ZNF566: variants seen among roughly 807,000 people sequenced by gnomAD.
The protein encoded by ZNF566 is zinc finger protein 566.
A neutral mutation model predicts 32.8 loss-of-function variants in ZNF566; 27 were observed. The ratio of observed to expected loss-of-function variants is 0.82; its 90% CI spans 0.61 to 1.14. The LOEUF is 1.14. Ranked by LOEUF, ZNF566 falls within the 50% of genes most tolerant of loss-of-function variation. ZNF566 has a pLI of 0.00. For synonymous variants in ZNF566, 154 were observed against 159.5 expected (o/e 0.97, Z 0.26); for missense variants, 402 against 490.4 (o/e 0.82, Z 1.70).
rs536217179 is a variant in ZNF566, at chr19:36,454,504, G to A, written c.233-4503C>T. On this transcript the variant is annotated intron_variant, in intron 4 of 4. Transcript: ENST00000452939. ...GGAGTTCAAAACTGCAGTGAGTTAT[G>A]GTCATGCCACTATACTCTAGCCTGG... Among the ~76,000 whole-genome samples the A allele has an allele frequency of 3.9e-5, 6 of 152,168 alleles. No individual in the cohort carries two copies. In the South Asian group the frequency reaches 1.0e-3, roughly 26 times the overall value.
intron 1 of ZNF566, among the ~76,000 whole-genome samples, chr19:36,484,460 T>C (rs1320713113): frequency 2.0e-5 from 3 of 151,930 alleles, no homozygotes; most frequent in Non-Finnish European, 4.4e-5. Context: ...GTGTAAGAAA[T>C]GATAGAAGGA....
At chr19:36,466,708 T>C (rs1279943785) in intron 4 of ZNF566, among the ~76,000 whole-genome samples, 1 of 152,194 alleles carries the variant, frequency 6.6e-6, no homozygotes, top group Non-Finnish European at 1.5e-5. Context: ...TAGAAAAAGA[T>C]ACTTGTAGTT....
chr19:36,451,469 G>A (rs545666650), intron 4 of ZNF566, among the ~76,000 whole-genome samples: 2 of 152,276 alleles, frequency 1.3e-5, no homozygotes, highest in East Asian at 3.9e-4. Flanking sequence ...CTGACTGGCA[G>A]AAAAGACATT....
At chr19:36,469,269 T>C (rs572428067) in intron 4 of ZNF566, among the ~76,000 whole-genome samples, 1 of 151,920 alleles carries the variant, frequency 6.6e-6, no homozygotes, top group Non-Finnish European at 1.5e-5. Context: ...TGGGACGCGG[T>C]GGCTTACGCC....
At chr19:36,456,738 TAAATG>T (rs1316667736) in intron 4 of ZNF566, among the ~76,000 whole-genome samples, 1 of 151,906 alleles carries the variant, frequency 6.6e-6, no homozygotes, top group African/African-American at 2.4e-5. Context: ...TAATAAAAAA[TAAATG>T]AAGACAAAAA....
At chr19:36,481,752 C>A in intron 1 of ZNF566, among the ~76,000 whole-genome samples, 1 of 152,142 alleles carries the variant, frequency 6.6e-6, no homozygotes, top group East Asian at 1.9e-4. Context: ...TAGAAAAATA[C>A]ATATATACAA....
Position 36,476,610 on chromosome 19 carries a change from G to A in ZNF566, c.-53C>T. On this transcript the variant is annotated 5_prime_UTR_variant, in exon 2 of 5. Coordinates refer to ENST00000452939, the MANE Select transcript of ZNF566 (RefSeq NM_001145344.1). ...TCTCTTGGCTCTTCTTTTGGAGAAG[G>A]GTAGAGCTGGGAGAGGCAAAAGAAG... 2 of 1,611,478 alleles carry A rather than the reference G, an allele frequency of 1.2e-6. No individual in the cohort carries two copies. The highest frequency in any genetic ancestry group is 2.2e-5 in the East Asian group (1 of 44,782).
intron 1 of ZNF566, among the ~76,000 whole-genome samples, chr19:36,485,271 CAAAAAAA>C (rs748231707): frequency 6.1e-5 from 5 of 81,948 alleles, no homozygotes; most frequent in Non-Finnish European, 1.2e-4. Context: ...GCTATCTCTA[CAAAAAAA>C]AAAAAAAAAA....
Position 36,449,350 on chromosome 19 carries a change from C to T in ZNF566, c.884G>A (p.Gly295Asp), listed in dbSNP as rs1258672921. The change falls in exon 5 of 5, where the codon GGC becomes GAC. Residue 295 changes from glycine (G) to aspartate (D), a missense_variant. Physicochemically the swap from Gly to Asp is moderately conservative, Grantham distance 94 (BLOSUM62 -1). Around this residue, in one of 3 missense-constraint regions of ZNF566, gnomAD observed 135 missense variants for 210.0 expected, o/e 0.64. Transcript: ENST00000452939. ...CKECGKAFSS[G>D]SNFTQHQRIH... ...TCTCTGATGTTGAGTAAAGTTTGAG[C>T]CACTACTAAAGGCCTTCCCGCATTC... The T allele has an allele frequency of 3.1e-6, 5 of 1,614,076 alleles. No homozygotes were observed.
At chr19:36,455,947 G>A (rs1054576634) in intron 4 of ZNF566, among the ~76,000 whole-genome samples, 5 of 150,930 alleles carry the variant, frequency 3.3e-5, no homozygotes, top group African/African-American at 1.2e-4. Flanking sequence ...ACTGAGGCAG[G>A]AGAATGGCGT....
At chr19:36,467,434 C>CAAA (rs34170364) in intron 4 of ZNF566, among the ~76,000 whole-genome samples, 2 of 77,542 alleles carry the variant, frequency 2.6e-5, no homozygotes, top group African/African-American at 1.0e-4. Flanking sequence ...GGCTCTGTCT[C>CAAA]AAAAAAAAAA....
intron 4 of ZNF566, among the ~76,000 whole-genome samples, chr19:36,468,208 A>G (rs973054205): frequency 6.6e-6 from 1 of 151,392 alleles, no homozygotes; most frequent in Admixed American, 6.6e-5. Flanking sequence ...AAAAAAAATT[A>G]AAGTTTGACA....
intron 4 of ZNF566, among the ~76,000 whole-genome samples, chr19:36,469,390 A>G (rs2033706034): frequency 6.6e-6 from 1 of 151,996 alleles, no homozygotes; most frequent in African/African-American, 2.4e-5. Flanking sequence ...ATACAAAAAA[A>G]TTTGCCAGGC....
At chr19:36,453,496 TAAA>T (rs1568510884) in intron 4 of ZNF566, among the ~76,000 whole-genome samples, 94 of 123,224 alleles carry the variant, frequency 7.6e-4, no homozygotes, top group African/African-American at 2.2e-3. Flanking sequence ...AATAAATAAA[TAAA>T]TAAATAAATT....
At position 36,485,737 on chromosome 19, in the gene ZNF566, G is replaced by A. The variant is rs150170491; in HGVS notation, c.-60+3749C>T. ...AGATCGCACCATTGCACTCCAGCCT[G>A]GGGGACAAGAGCAAGACTTCGTCTC... is the stretch of plus-strand genomic sequence containing the variant. On this transcript the variant is annotated intron_variant, in intron 1 of 4. Transcript: ENST00000452939. Among the ~76,000 whole-genome samples, 8 of 151,888 alleles carry A rather than the reference G, an allele frequency of 5.3e-5. No individual in the cohort carries two copies. In the East Asian group the frequency reaches 1.6e-3, roughly 29 times the overall value.
chr19:36,461,767 G>A (rs1233599076), intron 4 of ZNF566, among the ~76,000 whole-genome samples: 1 of 152,160 alleles, frequency 6.6e-6, no homozygotes, highest in African/African-American at 2.4e-5. Context: ...TTGGGTACAG[G>A]CTGCAAGTTC....
intron 4 of ZNF566, among the ~76,000 whole-genome samples, chr19:36,457,350 C>T (rs2033342594): frequency 6.6e-6 from 1 of 152,110 alleles, no homozygotes; most frequent in African/African-American, 2.4e-5. Context: ...AAAGCTTCTG[C>T]ACAGCAAAGG....
chr19:36,473,480 TGAC>T, intron 2 of ZNF566, 22 bp from the exon 3 acceptor site: 1 of 1,523,136 alleles, frequency 6.6e-7, no homozygotes, highest in Non-Finnish European at 8.8e-7. Context: ...ACCACGTATA[TGAC>T]TTCATTAATT....
rs767741591 is a variant in ZNF566, at chr19:36,477,526, G to GTTTTTTTTTTTTTTTT, written c.-59-911_-59-910insAAAAAAAAAAAAAAAA. 2.7e-4 allele frequency among the ~76,000 whole-genome samples: 29 copies of GTTTTTTTTTTTTTTTT among 107,016 alleles called. 9 individuals carry two copies. The highest frequency in any genetic ancestry group is 5.3e-4 in the African/African-American group (14 of 26,242). 70.2% of individuals were successfully genotyped at this position (107,016 alleles called of 152,430 possible). A position where few individuals can be genotyped will look rare whatever the true frequency, so the allele number is the denominator to read the frequency against. On this transcript the variant is annotated intron_variant, in intron 1 of 4. Coordinates refer to ENST00000452939, the MANE Select transcript of ZNF566 (RefSeq NM_001145344.1). ...TGGGTCAAACCAGTTTTCTGTTTCTGTTTTTTTTTTGTTTGTTTGTTTGTT... is the reference window on the plus strand; with the variant it reads ...TGGGTCAAACCAGTTTTCTGTTTCTGTTTTTTTTTTTTTTTTTTTTTTTTTTGTTTGTTTGTTTGTT...
Sources: allele counts gnomAD v4.1 joint callset (sites outside exome capture counted in the v4.1 genomes callset), GRCh38; gene constraint gnomAD v4.1.1; regional missense constraint gnomAD v4.1.1; transcripts MANE v1.5; gene names NCBI Gene and HGNC (gene_info 2026-07-23, HGNC 2026-07-21).